HSP90AB1: variants seen among roughly 807,000 people sequenced by gnomAD.
The protein encoded by HSP90AB1 is heat shock protein HSP 90-beta.
HSP90AB1 carries 17 observed loss-of-function variants against 67.8 expected under a neutral mutation model. The ratio of observed to expected loss-of-function variants is 0.25; its 90% CI spans 0.17 to 0.38. The LOEUF is 0.38. Ranked by LOEUF, HSP90AB1 falls within the 10% of genes least tolerant of loss-of-function variation. The pLI is 1.00. For synonymous variants in HSP90AB1, 390 were observed against 312.9 expected, an observed-to-expected ratio of 1.25 and a Z score of -2.60; for missense variants, 690 against 899.9, an observed-to-expected ratio of 0.77 and a Z score of 2.98.
chr6:44,251,957 A>T, intron 9 of HSP90AB1, 42 bp from the exon 10 acceptor site: 10 of 1,613,710 alleles, frequency 6.2e-6, no homozygotes, highest in Non-Finnish European at 7.6e-6. Context: ...AACTGGCAGT[A>T]TGAGGCATTT....
At chr6:44,252,555 G>A (rs2153322220) in intron 10 of HSP90AB1, among the ~76,000 whole-genome samples, 1 of 152,164 alleles carries the variant, frequency 6.6e-6, no homozygotes, top group Non-Finnish European at 1.5e-5. Flanking sequence ...GAGTGCAGTG[G>A]CACGATCTCT....
intron 10 of HSP90AB1, 42 bp from the exon 11 acceptor site, chr6:44,253,002 CA>C: frequency 6.6e-7 from 1 of 1,522,310 alleles, no homozygotes; most frequent in Non-Finnish European, 9.1e-7. Flanking sequence ...TTTTCTCTTT[CA>C]AAGTGGTAAT....
Position 44,250,716 on chromosome 6 carries a change from T to C in HSP90AB1, c.957+117T>C, listed in dbSNP as rs1412973419. 4 of 669,614 alleles carry C rather than the reference T, an allele frequency of 6.0e-6. No homozygotes were observed. In the African/African-American group the frequency reaches 7.3e-5, roughly 12 times the overall value. The allele number at this position is 669,614 out of a possible 1,614,324, so 41.5% of individuals were successfully genotyped here. On this transcript the variant is annotated intron_variant, in intron 6 of 11. Transcript: ENST00000371646. The stretch of plus-strand genomic sequence containing the variant: ...TGTCCAACTGATAACAGAAATGTGA[T>C]AGCCATGTGATTTCACTTACTGATT...
rs1290746315 is a variant in HSP90AB1 at position 44,251,122 on chromosome 6, T to C, written c.1032T>C (p.Phe344=). The change falls in exon 7 of 12, where the codon TTT becomes TTC. Residue 344 remains phenylalanine, a synonymous_variant. Coordinates refer to ENST00000371646, the MANE Select transcript of HSP90AB1 (RefSeq NM_007355.4). ...FIPRRAPFDL[F]ENKKKKNNIK... ...CTCGTCGGGCTCCCTTTGACCTTTT[T>C]GAGAACAAGAAGAAAAAGAACAACA... 2 of 1,614,150 alleles carry C rather than the reference T, an allele frequency of 1.2e-6. No individual in the cohort carries two copies. Among genetic ancestry groups the C allele is most frequent in the South Asian group, 1.1e-5 (1 of 91,078 alleles).
At chr6:44,247,512 C>T (rs898935552) in intron 1 of HSP90AB1, among the ~76,000 whole-genome samples, 7 of 152,118 alleles carry the variant, frequency 4.6e-5, no homozygotes, top group Admixed American at 6.5e-5. Flanking sequence ...ATTTTTGCCC[C>T]TCCACTTCCG....
Position 44,253,358 on chromosome 6 carries a change from G to T in HSP90AB1, c.2045G>T (p.Arg682Leu). 1 of 1,614,092 alleles carries T rather than the reference G, an allele frequency of 6.2e-7. No individual in the cohort carries two copies. The highest frequency in any genetic ancestry group is 8.5e-7 in the Non-Finnish European group (1 of 1,179,982). The stretch of plus-strand genomic sequence containing the variant: ...CAGACCCACTCCAACCGCATCTATC[G>T]CATGATCAAGCTAGGTCTAGGTAAG... The part of the protein sequence containing the change: ...DPQTHSNRIY[R>L]MIKLGLGIDE... Residue 682 changes from arginine to leucine, a missense_variant, in exon 11 of 12, where the codon CGC becomes CTC. By Grantham distance (102) the Arg-to-Leu change is moderately radical. Transcript: ENST00000371646.
At chr6:44,246,605 T>C (rs1191663553), upstream of HSP90AB1, among the ~76,000 whole-genome samples, 2 of 152,244 alleles carry the variant, frequency 1.3e-5, no homozygotes, top group Non-Finnish European at 2.9e-5. Context: ...AGTCGGGATC[T>C]GGGGCTACCC....
Position 44,251,147 on chromosome 6 carries a change from A to G in HSP90AB1, c.1057A>G (p.Ile353Val). Reference protein sequence around the residue: ...LFENKKKKNNIKLYVRRVFIM... With the variant: ...LFENKKKKNNVKLYVRRVFIM... ...TGAGAACAAGAAGAAAAAGAACAACATCAAACTCTATGTCCGCCGTGTGTT... is the reference window on the plus strand; with the variant it reads ...TGAGAACAAGAAGAAAAAGAACAACGTCAAACTCTATGTCCGCCGTGTGTT... Residue 353 changes from isoleucine (I) to valine (V), a missense_variant, in exon 7 of 12, where the codon ATC (isoleucine) becomes GTC (valine). Around this residue, in one of 7 missense-constraint regions of HSP90AB1, gnomAD observed 101 missense variants for 174.8 expected, o/e 0.58. Transcript: ENST00000371646. 3 of 1,614,224 alleles carry G rather than the reference A, an allele frequency of 1.9e-6. No individual in the cohort carries two copies. The highest frequency in any genetic ancestry group is 1.1e-5 in the South Asian group (1 of 91,090).
At position 44,251,200 on chromosome 6, in the gene HSP90AB1, A is replaced by G. The variant is rs1163376635; in HGVS notation, c.1110A>G (p.Ile370Met). ...VFIMDSCDEL[I>M]PEYLNFIRGV... The stretch of plus-strand genomic sequence containing the variant: ...TCATGGACAGCTGTGATGAGTTGAT[A>G]CCAGAGTATCTCAGTGAGTATCTCC... The change falls in exon 7 of 12, where the codon ATA (isoleucine) becomes ATG (methionine). Residue 370 changes from isoleucine (I) to methionine (M), a missense_variant. By Grantham distance (10) the Ile-to-Met change is conservative. Around this residue, in one of 7 missense-constraint regions of HSP90AB1, gnomAD observed 101 missense variants for 174.8 expected, o/e 0.58. Coordinates refer to ENST00000371646, the MANE Select transcript of HSP90AB1 (RefSeq NM_007355.4). 2 of 1,614,186 alleles carry G rather than the reference A, an allele frequency of 1.2e-6. No homozygotes were observed. The highest frequency in any genetic ancestry group is 1.7e-6 in the Non-Finnish European group (2 of 1,179,998).
chr6:44,247,603 C>G (rs1460423554), intron 1 of HSP90AB1, among the ~76,000 whole-genome samples: 1 of 152,238 alleles, frequency 6.6e-6, no homozygotes, highest in Non-Finnish European at 1.5e-5. Flanking sequence ...CCTTGTGGGA[C>G]TGGCTTTGTC....
intron 2 of HSP90AB1, among the ~76,000 whole-genome samples, chr6:44,248,984 AAAGCCTC>A (rs1780320549): frequency 6.6e-6 from 1 of 152,240 alleles, no homozygotes; most frequent in African/African-American, 2.4e-5. Context: ...AACTGGTTCT[AAAGCCTC>A]AAGATAGGGG....
At chr6:44,247,866 G>C (rs1310472530) in intron 1 of HSP90AB1, 4 of 152,254 alleles carry the variant, frequency 2.6e-5, no homozygotes, top group African/African-American at 9.6e-5. Context: ...CCCCGCCCCA[G>C]TGCCCGGATG....
At position 44,251,721 on chromosome 6, in the gene HSP90AB1, C is replaced by G. The variant is rs1333424286; in HGVS notation, c.1315-16C>G. On this transcript the variant is annotated splice_polypyrimidine_tract_variant and intron_variant, in intron 8 of 11. Transcript: ENST00000371646. ...GTAGTTAAGCTGGATTGTTTTTCCT[C>G]TTCCCACCCTTCAAGCTTGGAATCC... The G allele has an allele frequency of 6.2e-7, 1 of 1,610,406 alleles. No homozygotes were observed. The highest frequency in any genetic ancestry group is 8.5e-7 in the Non-Finnish European group (1 of 1,178,204).
intron 7 of HSP90AB1, 69 bp downstream of exon 7, chr6:44,251,282 T>C (rs1212167935): frequency 6.3e-7 from 1 of 1,577,536 alleles, no homozygotes; most frequent in East Asian, 2.2e-5. Flanking sequence ...TGCTAGGATA[T>C]TCTAAGGTAA....
In HSP90AB1 at chr6:44,251,907, C is replaced by T. The variant is rs139437344; in HGVS notation, c.1462+23C>T. 523 of 1,613,438 alleles carry T rather than the reference C, an allele frequency of 3.2e-4. 1 individual carries two copies. In the African/African-American group the frequency reaches 6.4e-3, roughly 20 times the overall value. ...CTGGTGCGTTGACTCTGATTGAAGC[C>T]TTTTTGGAGGAGTGGGGAGCACAAT... On this transcript the variant is annotated intron_variant, in intron 9 of 11. Coordinates refer to ENST00000371646, the MANE Select transcript of HSP90AB1 (RefSeq NM_007355.4).
rs35234627 is a variant in HSP90AB1, at chr6:44,248,159, ACT to A, written c.1-470_1-469del. The A allele has an allele frequency of 7.4e-3, 1,160 of 156,964 alleles. 14 individuals carry two copies. The highest frequency in any genetic ancestry group is 0.026 in the African/African-American group (1,086 of 41,574). 9.7% of individuals were successfully genotyped at this position (156,964 alleles called of 1,614,324 possible). A position where few individuals can be genotyped will look rare whatever the true frequency, so the allele number is the denominator to read the frequency against. ...TCCCGCCCTTGGACTGGTCTTAGGA[ACT>A]GACACCTCAGGGGGAGCAGTTTAAA... On this transcript the variant is annotated intron_variant, in intron 1 of 11. Transcript: ENST00000371646.
intron 4 of HSP90AB1, 48 bp from the exon 5 acceptor site, chr6:44,249,973 C>A: frequency 6.2e-7 from 1 of 1,610,464 alleles, no homozygotes; most frequent in South Asian, 1.1e-5. Flanking sequence ...CTGGTCTCAA[C>A]TGCATATACT....
At chr6:44,251,920 T>C (rs747062768) in intron 9 of HSP90AB1, 36 bp downstream of exon 9, 3 of 1,613,170 alleles carry the variant, frequency 1.9e-6, no homozygotes, top group Non-Finnish European at 2.5e-6. Context: ...TTTGGAGGAG[T>C]GGGGAGCACA....
At position 44,253,096 on chromosome 6, in the gene HSP90AB1, A is replaced by G. The variant is rs11538980; in HGVS notation, c.1783A>G (p.Thr595Ala). ...VSSPCCIVTS[T>A]YGWTANMERI... ...TTCACCTTGCTGCATTGTGACCAGC[A>G]CCTACGGCTGGACAGCCAATATGGA... Residue 595 changes from threonine (T) to alanine (A), a missense_variant, in exon 11 of 12, where the codon ACC becomes GCC. Thr to Ala is a moderately conservative substitution (Grantham distance 58). Around this residue, in one of 7 missense-constraint regions of HSP90AB1, gnomAD observed 206 missense variants for 221.4 expected, o/e 0.93. Transcript: ENST00000371646. 6.2e-7 allele frequency: 1 copy of G among 1,614,108 alleles called. No homozygotes were observed. The highest frequency in any genetic ancestry group is 8.5e-7 in the Non-Finnish European group (1 of 1,179,966).
Sources: gnomAD v4.1 joint callset for allele counts (sites outside exome capture counted in the v4.1 genomes callset) on GRCh38, gnomAD v4.1.1 for gene constraint, gnomAD v4.1.1 regional missense constraint, MANE v1.5 for transcripts, NCBI Gene and HGNC (gene_info 2026-07-23, HGNC 2026-07-21) for gene names.